Variants in CUL3 observed in about 807,000 individuals in gnomAD.
CUL3 encodes the protein cullin-3.
In CUL3, 19 loss-of-function variants were observed where a neutral mutation model predicts 89.1. That is an observed-to-expected ratio of 0.21 (90% CI 0.15 to 0.31). The LOEUF (loss-of-function observed/expected upper bound fraction) is 0.31. Among genes scored for constraint, CUL3 ranks in the 10% least tolerant of loss-of-function variants. CUL3 has a pLI of 1.00. For missense variants in CUL3, 469 were observed against 942.3 expected (o/e 0.50, Z 6.58); for synonymous variants, 351 against 308.4 (o/e 1.14, Z -1.45).
rs566364212 is a variant in CUL3, at chr2:224,564,629, C to G, written c.67-6773G>C. ...CTCAGGGCTATATGGTTTCAAGTAT[C>G]CACTGGGGGTCTTGGAATAAACAGA... On this transcript the variant is annotated intron_variant, in intron 1 of 15. Coordinates refer to ENST00000264414, the MANE Select transcript of CUL3 (RefSeq NM_003590.5). 2.9e-4 allele frequency among the ~76,000 whole-genome samples: 44 copies of G among 152,250 alleles called. 1 individual carries two copies. The highest frequency in any genetic ancestry group is 3.9e-4 in the Admixed American group (6 of 15,284).
At chr2:224,487,444 A>T (rs55658748) in intron 13 of CUL3, among the ~76,000 whole-genome samples, 1 of 24,068 alleles carries the variant, frequency 4.2e-5, no homozygotes, top group Admixed American at 3.9e-4. Flanking sequence ...CGCCCCCCCC[A>T]AAAAAAAAAA....
At chr2:224,497,683 CA>C in intron 12 of CUL3, 69 bp downstream of exon 12, 3 of 1,164,604 alleles carry the variant, frequency 2.6e-6, no homozygotes, top group Non-Finnish European at 3.8e-6. Flanking sequence ...CCCAGGTCAA[CA>C]TAAATCACAC....
Position 224,568,304 on chromosome 2 carries a change from T to C in CUL3, c.67-10448A>G, listed in dbSNP as rs115523008. Among the ~76,000 whole-genome samples, 772 of 152,360 alleles carry C rather than the reference T, an allele frequency of 5.1e-3. 4 individuals are homozygous for C. Among genetic ancestry groups the C allele is most frequent in the African/African-American group, 0.014 (572 of 41,586 alleles). ...GAATGTGGTGATAGTCTATAACTAC[T>C]AGTGACAGTTTGTAACCATCACTAC... is the stretch of plus-strand genomic sequence containing the variant. On this transcript the variant is annotated intron_variant, in intron 1 of 15. Transcript: ENST00000264414.
At chr2:224,484,557 T>C (rs897367823) in intron 13 of CUL3, among the ~76,000 whole-genome samples, 4 of 152,214 alleles carry the variant, frequency 2.6e-5, no homozygotes, top group East Asian at 1.9e-4. Context: ...TCTCATCATA[T>C]AGATGTGTTA....
rs532854198 is a variant in CUL3 at position 224,578,179 on chromosome 2, G to A, written c.66+6765C>T. 5.9e-5 allele frequency among the ~76,000 whole-genome samples: 9 copies of A among 152,220 alleles called. 2 individuals carry two copies. The highest frequency in any genetic ancestry group is 2.2e-4 in the African/African-American group (9 of 41,532). ...ATCATAGATGGACTCAAATATTTAT[G>A]TGTCTAAATAGTCATAGTTGCAATC... On this transcript the variant is annotated intron_variant, in intron 1 of 15. Coordinates refer to ENST00000264414, the MANE Select transcript of CUL3 (RefSeq NM_003590.5).
intron 2 of CUL3, among the ~76,000 whole-genome samples, chr2:224,538,812 G>C (rs1439102222): frequency 6.6e-6 from 1 of 152,190 alleles, no homozygotes; most frequent in Non-Finnish European, 1.5e-5. Context: ...GGAAGAAAGA[G>C]AAAGCTCAAC....
intron 11 of CUL3, chr2:224,500,097 C>T: frequency 3.3e-6 from 1 of 302,856 alleles, no homozygotes; most frequent in Non-Finnish European, 6.3e-6. Context: ...TTCTCTTTTT[C>T]CATTTTTACT....
intron 8 of CUL3, chr2:224,504,113 T>C (rs1692498991): frequency 1.8e-5 from 4 of 224,982 alleles, no homozygotes. Context: ...TAAGGGATGA[T>C]TGAGAACAGA....
chr2:224,512,015 T>C (rs1220198514), intron 5 of CUL3, among the ~76,000 whole-genome samples: 1 of 152,184 alleles, frequency 6.6e-6, no homozygotes, highest in Admixed American at 6.5e-5. Context: ...AGTCTTCCAG[T>C]GCCATCCCAC....
At chr2:224,527,617 T>G (rs1311475426) in intron 3 of CUL3, among the ~76,000 whole-genome samples, 1 of 152,196 alleles carries the variant, frequency 6.6e-6, no homozygotes, top group Admixed American at 6.5e-5. Flanking sequence ...CAGCCACACA[T>G]TGATATAAGC....
chr2:224,486,806 C>T (rs778291232), intron 13 of CUL3, among the ~76,000 whole-genome samples: 15 of 152,074 alleles, frequency 9.9e-5, no homozygotes, highest in South Asian at 2.1e-4. Context: ...AACCCCAAGA[C>T]ACATAATCAT....
At chr2:224,550,825 T>G (rs1267576614) in intron 2 of CUL3, among the ~76,000 whole-genome samples, 1 of 152,330 alleles carries the variant, frequency 6.6e-6, no homozygotes, top group East Asian at 1.9e-4. Flanking sequence ...TCCCCTTATT[T>G]CAACTCTTAT....
chr2:224,494,169 T>C (rs1692082323), intron 13 of CUL3, among the ~76,000 whole-genome samples: 1 of 152,142 alleles, frequency 6.6e-6, no homozygotes, highest in African/African-American at 2.4e-5. Context: ...AATGGGAGTA[T>C]GGACATGAAT....
At chr2:224,576,898 C>T (rs1018031963) in intron 1 of CUL3, among the ~76,000 whole-genome samples, 1 of 152,186 alleles carries the variant, frequency 6.6e-6, no homozygotes, top group Non-Finnish European at 1.5e-5. Flanking sequence ...GAAGCCACCC[C>T]TCAAGAGCCA....
In CUL3 at chr2:224,470,320, G is replaced by A. The variant is rs1691078614; in HGVS notation, c.*3925C>T. Reference sequence around the variant, plus strand: ...CATGTATAATTTTAAAGCTATTTTTGCATGGCTCACTCGAGGTCAACTTAG... The same window carrying A: ...CATGTATAATTTTAAAGCTATTTTTACATGGCTCACTCGAGGTCAACTTAG... On this transcript the variant is annotated 3_prime_UTR_variant, in exon 16 of 16. Transcript: ENST00000264414. 4.4e-6 allele frequency: 1 copy of A among 226,806 alleles called. No individual in the cohort carries two copies. Among genetic ancestry groups the A allele is most frequent in the South Asian group, 1.8e-4 (1 of 5,458 alleles). 14.0% of individuals were successfully genotyped at this position (226,806 alleles called of 1,614,324 possible).
At chr2:224,544,069 A>G (rs889201261) in intron 2 of CUL3, among the ~76,000 whole-genome samples, 4 of 152,080 alleles carry the variant, frequency 2.6e-5, no homozygotes, top group African/African-American at 9.7e-5. Context: ...CTGCCCAGGG[A>G]AGTCACTAAC....
At chr2:224,515,695 CT>C (rs11368683) in intron 3 of CUL3, among the ~76,000 whole-genome samples, 182 of 145,162 alleles carry the variant, frequency 1.3e-3, no homozygotes, top group Middle Eastern at 7.2e-3. Flanking sequence ...ACTTTCCAAA[CT>C]TTTTTTTTTT....
At chr2:224,555,299 C>A (rs1246387437) in intron 2 of CUL3, among the ~76,000 whole-genome samples, 1 of 152,136 alleles carries the variant, frequency 6.6e-6, no homozygotes. Context: ...TATAATTCTC[C>A]CAGTAAGCAA....
intron 5 of CUL3, among the ~76,000 whole-genome samples, chr2:224,512,975 C>T (rs1483101872): frequency 6.6e-6 from 1 of 152,140 alleles, no homozygotes; most frequent in African/African-American, 2.4e-5. Flanking sequence ...CTTCTTACTC[C>T]TCCTCAGCCT....
Sources: gnomAD v4.1 joint callset for allele counts (sites outside exome capture counted in the v4.1 genomes callset) on GRCh38, gnomAD v4.1.1 for gene constraint, MANE v1.5 for transcripts, NCBI Gene and HGNC (gene_info 2026-07-23, HGNC 2026-07-21) for gene names.